SNRPN: variants seen among roughly 807,000 people sequenced by gnomAD.
The protein encoded by SNRPN is small nuclear ribonucleoprotein polypeptide N.
SNRPN carries 7 observed loss-of-function variants against 25.2 expected under a neutral mutation model. The observed-to-expected ratio is 0.28, with a 90% confidence interval of 0.16 to 0.52. The LOEUF (loss-of-function observed/expected upper bound fraction) is 0.52. Ranked by LOEUF, SNRPN falls within the 20% of genes least tolerant of loss-of-function variation. The pLI is 0.96. For synonymous variants in SNRPN, 124 were observed against 110.6 expected (o/e 1.12, Z -0.76); for missense variants, 196 against 322.5 (o/e 0.61, Z 3.00).
chr15:24,907,577 G>A (rs974638609), intron 2 of SNRPN, among the ~76,000 whole-genome samples: 1 of 151,762 alleles, frequency 6.6e-6, no homozygotes, highest in Non-Finnish European at 1.5e-5. Context: ...CAGCCTGGGT[G>A]ACAGAGCGAG....
intron 3 of SNRPN, among the ~76,000 whole-genome samples, chr15:24,931,196 T>C (rs987998630): frequency 2.6e-5 from 4 of 152,216 alleles, no homozygotes; most frequent in Admixed American, 2.0e-4. Context: ...TTTTTATTTT[T>C]GCCTGGCACA....
chr15:24,903,892 T>C (rs2151675353), intron 2 of SNRPN, among the ~76,000 whole-genome samples: 1 of 152,016 alleles, frequency 6.6e-6, no homozygotes, highest in Admixed American at 6.6e-5. Context: ...AAAATTGCTG[T>C]GTGTGGTGGT....
chr15:24,855,167 A>T (rs1455068855), upstream of SNRPN, among the ~76,000 whole-genome samples: 1 of 151,284 alleles, frequency 6.6e-6, no homozygotes, highest in Admixed American at 6.6e-5. Context: ...TGTGAAATGT[A>T]AAGTAATGAT....
chr15:24,863,456 T>G (rs995004381), intron 1 of SNRPN, among the ~76,000 whole-genome samples: 1 of 147,994 alleles, frequency 6.8e-6, no homozygotes, highest in Non-Finnish European at 1.5e-5. Context: ...GACATACAGA[T>G]TTGCACGCAT....
upstream of SNRPN, among the ~76,000 whole-genome samples, chr15:24,855,031 C>T (rs1478085806): frequency 6.6e-6 from 1 of 151,880 alleles, no homozygotes; most frequent in African/African-American, 2.4e-5. Context: ...TCTAGTGCTG[C>T]TCAAGAAGCC....
chr15:24,827,083 T>C (rs2050145107), intron 1 of SNRPN, among the ~76,000 whole-genome samples: 1 of 152,084 alleles, frequency 6.6e-6, no homozygotes. Flanking sequence ...AAAACATTTT[T>C]TAACTGGTAC....
chr15:24,841,275 A>G (rs1275280134), intron 2 of SNRPN, among the ~76,000 whole-genome samples: 6 of 152,058 alleles, frequency 3.9e-5, no homozygotes, highest in Non-Finnish European at 5.9e-5. Flanking sequence ...AGGAGTGGAT[A>G]CGGCCCACTA....
intron 5 of SNRPN, 140 bp from the exon 6 acceptor site, chr15:24,976,164 AT>A (rs1555409641): frequency 8.9e-6 from 6 of 672,038 alleles, no homozygotes; most frequent in Admixed American, 7.8e-5. Context: ...GTTTACAGAT[AT>A]TTTTTGGCTT....
At chr15:24,890,456 C>G (rs1213352306) in intron 2 of SNRPN, among the ~76,000 whole-genome samples, 1 of 152,118 alleles carries the variant, frequency 6.6e-6, no homozygotes, top group Non-Finnish European at 1.5e-5. Context: ...GCGGGTGGAT[C>G]ACGAGGTCAG....
rs1410828721 is a variant in SNRPN at position 24,877,679 on chromosome 15, CACACACACACACACACAA to C, written c.-578-8830_-578-8813del. 4.0e-5 allele frequency among the ~76,000 whole-genome samples: 6 copies of C among 149,310 alleles called. No individual in the cohort carries two copies. The East Asian group carries it at 1.2e-3, about 30-fold the overall frequency. Reference sequence around the variant, plus strand: ...TCTACAAAACACACACACACACACACACACACACACACACACAAACACACTAGCCGGGCGCAGTGGCGC... The same window carrying C: ...TCTACAAAACACACACACACACACACACACACTAGCCGGGCGCAGTGGCGC... On this transcript the variant is annotated intron_variant, in intron 1 of 11. Transcript: ENST00000400097.
At chr15:24,825,809 A>T (rs1296156042) in intron 1 of SNRPN, among the ~76,000 whole-genome samples, 1 of 152,112 alleles carries the variant, frequency 6.6e-6, no homozygotes, top group Admixed American at 6.5e-5. Flanking sequence ...TTGTATGGGT[A>T]CTCGAAGTAC....
At chr15:24,954,631 A>G (rs552975573), upstream of SNRPN, among the ~76,000 whole-genome samples, 7 of 152,354 alleles carry the variant, frequency 4.6e-5, no homozygotes, top group Admixed American at 2.6e-4. Flanking sequence ...TGTACCGCAC[A>G]TAGGAAGACC....
intron 3 of SNRPN, among the ~76,000 whole-genome samples, chr15:24,926,759 C>T (rs1001049919): frequency 2.0e-5 from 3 of 151,890 alleles, no homozygotes; most frequent in South Asian, 2.1e-4. Context: ...AATCCCAGCA[C>T]CGTGGGAGGC....
chr15:24,908,857 CT>C, intron 2 of SNRPN: 53 of 608,402 alleles, frequency 8.7e-5, no homozygotes, highest in Non-Finnish European at 1.1e-4. Context: ...ATCTTTTTTT[CT>C]TTTTCTTTTT....
At chr15:24,961,701 A>G (rs1236609054) in intron 1 of SNRPN, among the ~76,000 whole-genome samples, 3 of 152,130 alleles carry the variant, frequency 2.0e-5, no homozygotes, top group East Asian at 1.9e-4. Flanking sequence ...CTATATAAGT[A>G]TGTCTACTGT....
intron 3 of SNRPN, among the ~76,000 whole-genome samples, chr15:24,931,140 A>G (rs2152855931): frequency 6.6e-6 from 1 of 152,272 alleles, no homozygotes; most frequent in East Asian, 1.9e-4. Flanking sequence ...AAAAAGTCAT[A>G]TTATTTGATT....
At chr15:24,931,838 C>CAAAAAAAA (rs71127026) in intron 3 of SNRPN, among the ~76,000 whole-genome samples, 10 of 42,990 alleles carry the variant, frequency 2.3e-4, no homozygotes, top group Admixed American at 4.4e-4. Context: ...GAACCTGTCT[C>CAAAAAAAA]AAAAAAAAAA....
chr15:24,956,878 G>A (rs1194213618), intron 1 of SNRPN, among the ~76,000 whole-genome samples: 2 of 152,194 alleles, frequency 1.3e-5, no homozygotes, highest in African/African-American at 4.8e-5. Flanking sequence ...CAGCTCTGCA[G>A]TAAACTAGAG....
intron 1 of SNRPN, among the ~76,000 whole-genome samples, chr15:24,875,496 T>C (rs1053577299): frequency 1.3e-5 from 2 of 152,222 alleles, no homozygotes; most frequent in African/African-American, 4.8e-5. Flanking sequence ...CTGGTGATCA[T>C]TTTGTATGTA....
Sources: allele counts gnomAD v4.1 joint callset (sites outside exome capture counted in the v4.1 genomes callset), GRCh38; gene constraint gnomAD v4.1.1; transcripts MANE v1.5; gene names NCBI Gene and HGNC (gene_info 2026-07-23, HGNC 2026-07-21).